The following EBF1 variants were observed in gnomAD, a reference collection of about 807,000 sequenced individuals.
EBF1 encodes the protein EBF transcription factor 1, also known as transcription factor COE1.
In EBF1, 10 loss-of-function variants were observed where a neutral mutation model predicts 68.4. The observed-to-expected ratio is 0.15, with a 90% confidence interval of 0.09 to 0.25. The LOEUF (loss-of-function observed/expected upper bound fraction) is 0.25. Among genes scored for constraint, EBF1 ranks in the 10% least tolerant of loss-of-function variants. The pLI is 1.00. For missense variants in EBF1, 509 were observed against 794.4 expected, an observed-to-expected ratio of 0.64 and a Z score of 4.32; for synonymous variants, 298 against 299.8, an observed-to-expected ratio of 0.99 and a Z score of 0.06.
At chr5:158,949,392 G>A (rs116836944) in intron 6 of EBF1, among the ~76,000 whole-genome samples, 3,550 of 152,240 alleles carry the variant, frequency 0.023, 142 homozygotes, top group African/African-American at 0.082. Flanking sequence ...CACTTTGGGA[G>A]GTAAAGATGG....
chr5:158,747,082 A>G (rs1767753856), intron 10 of EBF1, among the ~76,000 whole-genome samples: 1 of 152,202 alleles, frequency 6.6e-6, no homozygotes, highest in African/African-American at 2.4e-5. Flanking sequence ...AATCAACTTC[A>G]GAACTTTATT....
intron 5 of EBF1, among the ~76,000 whole-genome samples, chr5:159,075,848 C>G (rs927902724): frequency 6.6e-6 from 1 of 152,200 alleles, no homozygotes; most frequent in Non-Finnish European, 1.5e-5. Context: ...TTCAATCCCT[C>G]TCAGTTGTGC....
intron 6 of EBF1, among the ~76,000 whole-genome samples, chr5:158,942,973 GGGAAGGAGGAAGAGA>G (rs1441155339): frequency 3.9e-5 from 5 of 126,942 alleles, no homozygotes; most frequent in Admixed American, 8.1e-5. Context: ...GGGGGAAGGA[GGGAAGGAGGAAGAGA>G]GGAAGGGAGG....
At chr5:159,021,937 T>C (rs1766765348) in intron 6 of EBF1, among the ~76,000 whole-genome samples, 1 of 151,944 alleles carries the variant, frequency 6.6e-6, no homozygotes, top group East Asian at 1.9e-4. Context: ...ACAGCTTTAA[T>C]GCCTGCATTA....
intron 8 of EBF1, among the ~76,000 whole-genome samples, chr5:158,796,991 A>T (rs1330193634): frequency 6.6e-6 from 1 of 152,176 alleles, no homozygotes; most frequent in Non-Finnish European, 1.5e-5. Flanking sequence ...AACATGTCTC[A>T]TTAAAAATCA....
intron 6 of EBF1, among the ~76,000 whole-genome samples, chr5:158,931,916 A>G (rs1810968007): frequency 6.6e-6 from 1 of 152,006 alleles, no homozygotes; most frequent in African/African-American, 2.4e-5. Flanking sequence ...TCTGGAATTT[A>G]AACTTCTGCT....
chr5:158,989,493 T>C (rs763156615), intron 6 of EBF1, among the ~76,000 whole-genome samples: 2 of 152,170 alleles, frequency 1.3e-5, no homozygotes, highest in Non-Finnish European at 2.9e-5. Context: ...CAGACATCAG[T>C]GTAATCCACC....
intron 6 of EBF1, among the ~76,000 whole-genome samples, chr5:158,962,499 A>G (rs1478325857): frequency 1.3e-5 from 2 of 152,194 alleles, no homozygotes; most frequent in Non-Finnish European, 2.9e-5. Flanking sequence ...ACTCCCTAGG[A>G]AGAGTTTCTA....
intron 10 of EBF1, among the ~76,000 whole-genome samples, chr5:158,732,690 C>T (rs1764357030): frequency 6.6e-6 from 1 of 152,086 alleles, no homozygotes; most frequent in Non-Finnish European, 1.5e-5. Context: ...CTCCAAAAGA[C>T]ACATAAATCA....
chr5:158,731,583 C>T (rs146567225), intron 10 of EBF1, among the ~76,000 whole-genome samples: 6 of 152,250 alleles, frequency 3.9e-5, no homozygotes, highest in East Asian at 3.9e-4. Context: ...AAATCCTTAG[C>T]GGACCTCAGC....
chr5:158,782,950 T>C (rs568445385), intron 9 of EBF1, among the ~76,000 whole-genome samples: 1 of 152,094 alleles, frequency 6.6e-6, no homozygotes, highest in South Asian at 2.1e-4. Flanking sequence ...CCACTGCTTG[T>C]ATATCATGTA....
intron 6 of EBF1, among the ~76,000 whole-genome samples, chr5:159,035,515 G>A (rs1456236765): frequency 6.6e-6 from 1 of 152,144 alleles, no homozygotes; most frequent in Admixed American, 6.5e-5. Flanking sequence ...GCAGTACAGA[G>A]TGATGGTTTC....
chr5:158,933,533 T>A (rs1811343506), intron 6 of EBF1, among the ~76,000 whole-genome samples: 2 of 152,244 alleles, frequency 1.3e-5, no homozygotes, highest in African/African-American at 2.4e-5. Context: ...AAAATTCAAC[T>A]ACTCATTAAA....
chr5:159,008,697 TTTG>T (rs1289959501), intron 6 of EBF1, among the ~76,000 whole-genome samples: 3 of 151,874 alleles, frequency 2.0e-5, no homozygotes, highest in African/African-American at 4.8e-5. Context: ...GGCTAATTTT[TTTG>T]TTGTTGTTGT....
chr5:158,978,829 C>CAG (rs1211703789), intron 6 of EBF1, among the ~76,000 whole-genome samples: 2 of 125,228 alleles, frequency 1.6e-5, no homozygotes, highest in African/African-American at 5.9e-5. Context: ...CACACACACA[C>CAG]ACACACAGAG....
At chr5:158,914,423 G>A (rs970698517) in intron 6 of EBF1, among the ~76,000 whole-genome samples, 10 of 152,148 alleles carry the variant, frequency 6.6e-5, no homozygotes, top group East Asian at 1.9e-4. Flanking sequence ...TGCCGCACGA[G>A]GGGGGTAACC....
intron 10 of EBF1, among the ~76,000 whole-genome samples, chr5:158,733,937 T>A (rs1352196719): frequency 6.6e-6 from 1 of 152,156 alleles, no homozygotes; most frequent in East Asian, 1.9e-4. Flanking sequence ...TGACAAAGAC[T>A]GTTATTTTAA....
At chr5:158,991,986 C>T (rs1760419254) in intron 6 of EBF1, among the ~76,000 whole-genome samples, 1 of 152,158 alleles carries the variant, frequency 6.6e-6, no homozygotes, top group South Asian at 2.1e-4. Context: ...TCAGTCTCCT[C>T]CTCTATTAAA....
At chr5:158,919,236 AT>A (rs35011952) in intron 6 of EBF1, among the ~76,000 whole-genome samples, 5,120 of 145,900 alleles carry the variant, frequency 0.035, 111 homozygotes, top group Non-Finnish European at 0.051. Context: ...TGAAATTAAG[AT>A]TTTTTTTTTT....
Sources: allele counts gnomAD v4.1 joint callset (sites outside exome capture counted in the v4.1 genomes callset), GRCh38; gene constraint gnomAD v4.1.1; transcripts MANE v1.5; gene names NCBI Gene and HGNC (gene_info 2026-07-23, HGNC 2026-07-21).